The following RBM23 variants were observed in gnomAD, a reference collection of about 807,000 sequenced individuals.
The protein encoded by RBM23 is RNA binding motif protein 23.
Under a neutral mutation model 56.2 loss-of-function variants are expected in RBM23, and 53 were observed. That is an observed-to-expected ratio of 0.94 (90% CI 0.76 to 1.19). RBM23 has a LOEUF of 1.19. Among genes scored for constraint, RBM23 ranks in the 50% most tolerant of loss-of-function variants. RBM23 has a pLI of 0.00. For missense variants in RBM23, 642 were observed against 590.3 expected, an observed-to-expected ratio of 1.09 and a Z score of -0.91; for synonymous variants, 197 against 198.5, an observed-to-expected ratio of 0.99 and a Z score of 0.06.
In RBM23 at chr14:22,900,352, C is replaced by T. The variant is rs1399291857; in HGVS notation, c.*1378G>A. 1 of 151,960 alleles carries T rather than the reference C, an allele frequency of 6.6e-6. No individual in the cohort carries two copies. The highest frequency in any genetic ancestry group is 1.5e-5 in the Non-Finnish European group (1 of 68,064). The allele number at this position is 151,960 out of a possible 1,614,324, so 9.4% of individuals were successfully genotyped here. ...CAACCCCCCCCCCTCCCCGCCCCGCCCCACTAGAAAAAAACAAGTGTAGAA... is the reference window on the plus strand; with the variant it reads ...CAACCCCCCCCCCTCCCCGCCCCGCTCCACTAGAAAAAAACAAGTGTAGAA... On this transcript the variant is annotated 3_prime_UTR_variant, in exon 14 of 14. Coordinates refer to ENST00000359890, the MANE Select transcript of RBM23 (RefSeq NM_001077351.2).
At chr14:22,907,388 G>C (rs1455861005) in intron 4 of RBM23, among the ~76,000 whole-genome samples, 1 of 151,998 alleles carries the variant, frequency 6.6e-6, no homozygotes, top group Non-Finnish European at 1.5e-5. Flanking sequence ...AAATCAGTAG[G>C]GTTATTACTA....
intron 4 of RBM23, 56 bp from the exon 5 acceptor site, chr14:22,906,424 G>A (rs752854387): frequency 4.4e-6 from 7 of 1,587,964 alleles, no homozygotes; most frequent in Admixed American, 3.4e-5. Context: ...CAACAACCAA[G>A]TGCATATACA....
At chr14:22,906,073 T>C in intron 5 of RBM23, 122 bp downstream of exon 5, 1 of 1,197,694 alleles carries the variant, frequency 8.3e-7, no homozygotes, top group Admixed American at 2.3e-5. Flanking sequence ...ACCCTTTCTG[T>C]GCCTGAGTAT....
rs1360586687 is a variant in RBM23 at position 22,909,525 on chromosome 14, C to A, written c.137G>T (p.Gly46Val). ...GGTGCTGCTTCCACTGGTCTCATTG[C>A]CACTGTTGCTGGTGCTGCTGGTGGT... ...SNTTSSTSNS[G>V]NETSGSSTIG... Residue 46 changes from glycine to valine, a missense_variant, in exon 3 of 14, where the codon GGC becomes GTC. Transcript: ENST00000359890. 1.2e-6 allele frequency: 2 copies of A among 1,613,438 alleles called. No homozygotes were observed. Among genetic ancestry groups the A allele is most frequent in the Non-Finnish European group, 1.7e-6 (2 of 1,179,976 alleles).
At chr14:22,918,703 C>G (rs1173546961) in intron 1 of RBM23, among the ~76,000 whole-genome samples, 2 of 152,056 alleles carry the variant, frequency 1.3e-5, no homozygotes, top group African/African-American at 2.4e-5. Context: ...GTGGGCGACC[C>G]TAAGTGTCAC....
rs1203860013 is a variant in RBM23, at chr14:22,897,871, CAAAGT to C, written c.*3854_*3858del. 6.6e-6 allele frequency: 1 copy of C among 152,146 alleles called. No homozygotes were observed. The highest frequency in any genetic ancestry group is 2.4e-5 in the African/African-American group (1 of 41,436). 9.4% of individuals were successfully genotyped at this position (152,146 alleles called of 1,614,324 possible). ...TTATTTGGATATGTTTCCTTGTTTA[CAAAGT>C]AAAGATAATAAACTACTTGAGAGGA... is the stretch of plus-strand genomic sequence containing the variant. On this transcript the variant is annotated 3_prime_UTR_variant, in exon 14 of 14. Transcript: ENST00000359890.
At chr14:22,903,792 T>G in intron 10 of RBM23, 16 of 1,008,424 alleles carry the variant, frequency 1.6e-5, no homozygotes, top group Non-Finnish European at 1.9e-5. Context: ...GTGGCCTCAC[T>G]ATTCTCCCCA....
intron 2 of RBM23, 100 bp from the exon 3 acceptor site, chr14:22,909,695 C>A: frequency 1.2e-6 from 1 of 849,372 alleles, no homozygotes; most frequent in South Asian, 1.5e-5. Flanking sequence ...TAAATCAAAC[C>A]ACTTGATTAT....
Position 22,902,063 on chromosome 14 carries a change from G to A in RBM23, c.1163C>T (p.Ala388Val), listed in dbSNP as rs750481953. 2 of 1,612,446 alleles carry A rather than the reference G, an allele frequency of 1.2e-6. No individual in the cohort carries two copies. Among genetic ancestry groups the A allele is most frequent in the South Asian group, 2.2e-5 (2 of 90,968 alleles). ...AGCAGCCTGGGCGGCGGCGGCAGCAGCAGCAGCAGCAGTGCTTGGCAGTTG... is the reference window on the plus strand; with the variant it reads ...AGCAGCCTGGGCGGCGGCGGCAGCAACAGCAGCAGCAGTGCTTGGCAGTTG... ...GIQLPSTAAA[A>V]AAAAAQAAAL... The change falls in exon 12 of 14, where the codon GCT (alanine) becomes GTT (valine). Residue 388 changes from alanine to valine, a missense_variant. Coordinates refer to ENST00000359890, the MANE Select transcript of RBM23 (RefSeq NM_001077351.2).
At chr14:22,915,597 G>C (rs1427677984) in intron 1 of RBM23, among the ~76,000 whole-genome samples, 2 of 150,308 alleles carry the variant, frequency 1.3e-5, no homozygotes, top group Non-Finnish European at 2.9e-5. Flanking sequence ...CCAGGTTCAA[G>C]CGATTCTCCT....
In RBM23 at chr14:22,909,552, T is replaced by C. The variant is rs780573659; in HGVS notation, c.110A>G (p.Asn37Ser). 14 of 1,613,618 alleles carry C rather than the reference T, an allele frequency of 8.7e-6. No individual in the cohort carries two copies. The highest frequency in any genetic ancestry group is 2.2e-5 in the South Asian group (2 of 91,058). Reference protein sequence around the residue: ...RKEVKKDYPSNTTSSTSNSGN... With the variant: ...RKEVKKDYPSSTTSSTSNSGN... The stretch of plus-strand genomic sequence containing the variant: ...ACTGTTGCTGGTGCTGCTGGTGGTA[T>C]TGCTAGGATAATCCTTTTTAACTTC... The change falls in exon 3 of 14, where the codon AAT (asparagine) becomes AGT (serine). Residue 37 changes from asparagine to serine, a missense_variant. Coordinates refer to ENST00000359890, the MANE Select transcript of RBM23 (RefSeq NM_001077351.2).
chr14:22,895,767 CCT>C lies in RBM23; in HGVS notation c.*5961_*5962del, dbSNP rs2040238531. The C allele has an allele frequency of 1.3e-5, 2 of 152,328 alleles. No homozygotes were observed. Among genetic ancestry groups the C allele is most frequent in the Admixed American group, 1.3e-4 (2 of 15,282 alleles). 9.4% of individuals were successfully genotyped at this position (152,328 alleles called of 1,614,324 possible). A position where few individuals can be genotyped will look rare whatever the true frequency, so the allele number is the denominator to read the frequency against. ...TCCAGCATGGGCAACAGAGCCAGAC[CCT>C]GTCTCAAAACAAAACAAAACTGAGT... On this transcript the variant is annotated 3_prime_UTR_variant, in exon 14 of 14. Transcript: ENST00000359890.
chr14:22,913,106 G>A (rs764178498), intron 1 of RBM23, among the ~76,000 whole-genome samples: 12 of 148,784 alleles, frequency 8.1e-5, no homozygotes, highest in Non-Finnish European at 1.2e-4. Flanking sequence ...AGGGCTGGGA[G>A]AAAAAGATTT....
chr14:22,905,747 A>C, intron 5 of RBM23, 88 bp from the exon 6 acceptor site: 1 of 1,003,202 alleles, frequency 1.0e-6, no homozygotes, highest in South Asian at 1.4e-5. Context: ...AGATTCCAGT[A>C]CTTCATCTCA....
rs1274177322 is a variant in RBM23 at position 22,895,126 on chromosome 14, A to T, written c.*6604T>A. 1.3e-5 allele frequency: 2 copies of T among 152,080 alleles called. No individual in the cohort carries two copies. Among genetic ancestry groups the T allele is most frequent in the Non-Finnish European group, 2.9e-5 (2 of 68,032 alleles). 9.4% of individuals were successfully genotyped at this position (152,080 alleles called of 1,614,324 possible). On this transcript the variant is annotated 3_prime_UTR_variant, in exon 14 of 14. Transcript: ENST00000359890. ...TGTAATCCCAGCACTTTGGGAGGCC[A>T]AGGCGGGTGGATCACCTGAGGTCAG...
rs374049810 is a variant in RBM23, at chr14:22,906,183, A to C, written c.401+12T>G. On this transcript the variant is annotated intron_variant, in intron 5 of 13. Transcript: ENST00000359890. Reference sequence around the variant, plus strand: ...ATTATACAAAAGTGAATCTATTAGCAAAAAGTGATACCCAGTGGCAAGTGG... The same window carrying C: ...ATTATACAAAAGTGAATCTATTAGCCAAAAGTGATACCCAGTGGCAAGTGG... The C allele has an allele frequency of 2.9e-5, 46 of 1,613,250 alleles. No individual in the cohort carries two copies. The African/African-American group carries it at 4.8e-4, about 17-fold the overall frequency.
intron 2 of RBM23, 25 bp downstream of exon 2, chr14:22,911,303 C>T: frequency 1.9e-6 from 3 of 1,603,858 alleles, no homozygotes; most frequent in Non-Finnish European, 2.6e-6. Flanking sequence ...TAACCCAATT[C>T]CAGGAGTGAG....
At chr14:22,908,683 G>A (rs986722534) in intron 3 of RBM23, 7 of 256,398 alleles carry the variant, frequency 2.7e-5, no homozygotes, top group South Asian at 1.2e-4. Context: ...CATGAGCCCC[G>A]CGTGAGCACC....
At position 22,904,890 on chromosome 14, in the gene RBM23, A is replaced by T; in HGVS notation, c.849T>A (p.Phe283Leu). Residue 283 changes from phenylalanine to leucine, a missense_variant, in exon 9 of 14, where the codon TTT becomes TTA. By Grantham distance (22) the Phe-to-Leu change is conservative (BLOSUM62 0). Coordinates refer to ENST00000359890, the MANE Select transcript of RBM23 (RefSeq NM_001077351.2). The part of the protein sequence containing the change: ...NITEDMLRGI[F>L]EPFGKIDNIV... Reference sequence around the variant, plus strand: ...TTCTACTCACTTTACCAAAGGGCTCAAAGATGCCCCGGAGCATGTCTTCAG... The same window carrying T: ...TTCTACTCACTTTACCAAAGGGCTCTAAGATGCCCCGGAGCATGTCTTCAG... The T allele has an allele frequency of 6.2e-7, 1 of 1,614,214 alleles. No individual in the cohort carries two copies.
Sources: allele counts gnomAD v4.1 joint callset (sites outside exome capture counted in the v4.1 genomes callset), GRCh38; gene constraint gnomAD v4.1.1; transcripts MANE v1.5; gene names NCBI Gene and HGNC (gene_info 2026-07-23, HGNC 2026-07-21).